The following USP39 variants were observed in gnomAD, a reference collection of about 807,000 sequenced individuals.
USP39 encodes the protein ubiquitin specific peptidase 39.
A neutral mutation model predicts 66.4 loss-of-function variants in USP39; 38 were observed. The observed-to-expected ratio is 0.57, with a 90% CI of 0.44 to 0.75. The LOEUF (loss-of-function observed/expected upper bound fraction) is 0.75, where lower values mean the gene tolerates loss of function less well. USP39 is among the 30% of genes least tolerant of loss of function. The probability of loss-of-function intolerance (pLI) is 0.00; values close to 1 mark genes in which losing one functional copy is unlikely to be tolerated. For synonymous variants in USP39, 303 were observed against 274.6 expected (o/e 1.10, Z -1.02); for missense variants, 608 against 714.4 (o/e 0.85, Z 1.70).
At chr2:85,626,315 C>T (rs1477158758) in intron 5 of USP39, among the ~76,000 whole-genome samples, 1 of 152,142 alleles carries the variant, frequency 6.6e-6, no homozygotes, top group Non-Finnish European at 1.5e-5. Context: ...GCTGAGATCA[C>T]GTCACTGCAC....
chr2:85,619,022 C>T (rs149513833), intron 1 of USP39, among the ~76,000 whole-genome samples, 198 bp from the exon 2 acceptor site: 2 of 152,170 alleles, frequency 1.3e-5, no homozygotes, highest in African/African-American at 2.4e-5. Context: ...CCACCCATCT[C>T]GGTTTCCCAA....
At chr2:85,634,692 C>T (rs1310432732) in intron 6 of USP39, among the ~76,000 whole-genome samples, 1 of 152,204 alleles carries the variant, frequency 6.6e-6, no homozygotes, top group African/African-American at 2.4e-5. Context: ...TTTATAGAGA[C>T]ATTTCTGTTT....
At chr2:85,603,595 CT>C (rs767019412) in intron 1 of USP39, among the ~76,000 whole-genome samples, 197 of 143,014 alleles carry the variant, frequency 1.4e-3, no homozygotes, top group Admixed American at 1.3e-3. Context: ...TTTTCTTTTT[CT>C]TTTTTTTTTT....
At chr2:85,629,050 TCCTC>T (rs1327951825) in intron 5 of USP39, among the ~76,000 whole-genome samples, 1 of 152,156 alleles carries the variant, frequency 6.6e-6, no homozygotes, top group African/African-American at 2.4e-5. Flanking sequence ...TTGGTCCTCT[TCCTC>T]CCAGTTTCGT....
chr2:85,612,418 C>T, upstream of USP39: 1 of 1,481,788 alleles, frequency 6.7e-7, no homozygotes, highest in Non-Finnish European at 9.1e-7. Context: ...CTGTGTAACG[C>T]TGCCACTTCT....
At chr2:85,638,481 A>G (rs1316183811) in intron 8 of USP39, among the ~76,000 whole-genome samples, 2 of 151,888 alleles carry the variant, frequency 1.3e-5, no homozygotes, top group Non-Finnish European at 2.9e-5. Flanking sequence ...CCATAGATAC[A>G]CACCACCACA....
In USP39 at chr2:85,639,454, CTTTTTTTT is replaced by C. The variant is rs10660019; in HGVS notation, c.1284+72_1284+79del. 3 of 1,177,704 alleles carry C rather than the reference CTTTTTTTT, an allele frequency of 2.5e-6. No individual in the cohort carries two copies. In the East Asian group the frequency reaches 8.6e-5, roughly 34 times the overall value. 73.0% of individuals were successfully genotyped at this position (1,177,704 alleles called of 1,614,324 possible). On this transcript the variant is annotated intron_variant, in intron 9 of 12. Transcript: ENST00000323701. The stretch of plus-strand genomic sequence containing the variant: ...CTCGCTCTCTCGACTTTTTCATTTT[CTTTTTTTT>C]TTTTTTTTCAAGACAGAGTTTTGCT...
chr2:85,613,070 G>C (rs1170559347), upstream of USP39, among the ~76,000 whole-genome samples: 1 of 152,050 alleles, frequency 6.6e-6, no homozygotes, highest in Non-Finnish European at 1.5e-5. Context: ...ATTAGGACAG[G>C]GACAAACGGC....
intron 6 of USP39, among the ~76,000 whole-genome samples, chr2:85,632,778 A>G (rs1413215645): frequency 6.6e-6 from 1 of 152,024 alleles, no homozygotes; most frequent in Non-Finnish European, 1.5e-5. Flanking sequence ...AGGTAATTAC[A>G]GGTGTTAAGT....
rs374181773 is a variant in USP39, at chr2:85,623,647, C to T, written c.435C>T (p.Gly145=). The change falls in exon 4 of 13, where the codon GGC becomes GGT. Residue 145 remains glycine, a splice_region_variant and synonymous_variant. Coordinates refer to ENST00000323701, the MANE Select transcript of USP39 (RefSeq NM_006590.4). ...ACLVCGKYFQ[G]RGLKSHAYIH... ...ACAGCTTTTCACCCTTCCCTACAGG[C>T]CGGGGTTTGAAGTCTCACGCCTACA... 120 of 1,612,360 alleles carry T rather than the reference C, an allele frequency of 7.4e-5. No individual in the cohort carries two copies. Among genetic ancestry groups the T allele is most frequent in the Non-Finnish European group, 9.6e-5 (113 of 1,179,410 alleles).
chr2:85,628,094 G>C (rs1341307065), intron 5 of USP39, among the ~76,000 whole-genome samples: 1 of 152,132 alleles, frequency 6.6e-6, no homozygotes, highest in African/African-American at 2.4e-5. Context: ...AAATTCTTAA[G>C]TAGAGAGACT....
chr2:85,621,624 CTTTTTTT>C, intron 3 of USP39, 45 bp downstream of exon 3: 1 of 1,102,322 alleles, frequency 9.1e-7, no homozygotes, highest in Non-Finnish European at 1.3e-6. Flanking sequence ...TCCAGAGGGA[CTTTTTTT>C]TTTTTTTTAA....
intron 5 of USP39, among the ~76,000 whole-genome samples, chr2:85,629,720 C>T (rs1324566324): frequency 2.0e-5 from 3 of 152,084 alleles, no homozygotes; most frequent in Non-Finnish European, 4.4e-5. Flanking sequence ...TGGTCTTGAA[C>T]TCCTGACCTC....
upstream of USP39, chr2:85,612,480 TTG>T: frequency 1.8e-6 from 2 of 1,085,620 alleles, no homozygotes; most frequent in Admixed American, 2.2e-5. Context: ...CTCAAATGGA[TTG>T]TGAGGCCTTG....
At chr2:85,645,537 C>G (rs746076845) in intron 11 of USP39, among the ~76,000 whole-genome samples, 1 of 152,138 alleles carries the variant, frequency 6.6e-6, no homozygotes, top group Non-Finnish European at 1.5e-5. Flanking sequence ...CCACCTCGGC[C>G]TCCCAAAGTG....
chr2:85,631,313 CTTT>C lies in USP39; in HGVS notation c.949+385_949+387del, dbSNP rs57173306. On this transcript the variant is annotated intron_variant, in intron 6 of 12. Coordinates refer to ENST00000323701, the MANE Select transcript of USP39 (RefSeq NM_006590.4). The stretch of plus-strand genomic sequence containing the variant: ...ACAGGCATGAGCCACTGCGCCCGGC[CTTT>C]TTTTTTTTTTTTTTTTTAAGAGACA... Among the ~76,000 whole-genome samples, 6 of 126,238 alleles carry C rather than the reference CTTT, an allele frequency of 4.8e-5. 1 individual carries two copies. The South Asian group carries it at 1.3e-3, about 26-fold the overall frequency. 82.8% of individuals were successfully genotyped at this position (126,238 alleles called of 152,430 possible).
upstream of USP39, chr2:85,611,138 G>C (rs187177330): frequency 1.7e-5 from 9 of 517,926 alleles, no homozygotes; most frequent in East Asian, 1.2e-4. Context: ...TACTCGGGAG[G>C]CTAAGGCTGC....
At chr2:85,616,106 G>C, upstream of USP39, 1 of 1,362,514 alleles carries the variant, frequency 7.3e-7, no homozygotes, top group Non-Finnish European at 9.5e-7. Flanking sequence ...AGAGTTCGGG[G>C]CTCGCTACCA....
At chr2:85,608,858 T>G, upstream of USP39, 1 of 1,562,196 alleles carries the variant, frequency 6.4e-7, no homozygotes, top group South Asian at 1.2e-5. Context: ...TCAGACAAAC[T>G]GGTCCTGGTA....
Sources: gnomAD v4.1 joint callset for allele counts (sites outside exome capture counted in the v4.1 genomes callset) on GRCh38, gnomAD v4.1.1 for gene constraint, MANE v1.5 for transcripts, NCBI Gene and HGNC (gene_info 2026-07-23, HGNC 2026-07-21) for gene names.